Variants in UBR4 observed in about 807,000 individuals in gnomAD.
UBR4 encodes E3 ubiquitin-protein ligase UBR4.
A neutral mutation model predicts 575.6 loss-of-function variants in UBR4; 124 were observed. The ratio of observed to expected loss-of-function variants is 0.22; its 90% CI spans 0.19 to 0.25. UBR4 has a LOEUF of 0.25. Ranked by LOEUF, UBR4 falls within the 10% of genes least tolerant of loss-of-function variation. The probability of loss-of-function intolerance (pLI) is 1.00; values close to 1 mark genes in which losing one functional copy is unlikely to be tolerated. For missense variants in UBR4, 4,818 were observed against 6,478.8 expected (o/e 0.74, Z 8.80); for synonymous variants, 2,455 against 2,473.7 (o/e 0.99, Z 0.22).
intron 9 of UBR4, 119 bp from the exon 10 acceptor site, chr1:19,192,659 T>G (rs2092179081): frequency 5.7e-6 from 6 of 1,048,894 alleles, no homozygotes; most frequent in Admixed American, 2.0e-5. Flanking sequence ...CAATGATACA[T>G]TCCATCGTAC....
At chr1:19,108,756 CTT>C (rs1350872361) in intron 81 of UBR4, among the ~76,000 whole-genome samples, 1 of 152,164 alleles carries the variant, frequency 6.6e-6, no homozygotes, top group Non-Finnish European at 1.5e-5. Context: ...ATGAAAATAA[CTT>C]TGTCCTCACA....
chr1:19,202,071 T>C (rs2092770970), intron 1 of UBR4, among the ~76,000 whole-genome samples: 1 of 152,070 alleles, frequency 6.6e-6, no homozygotes, highest in Admixed American at 6.5e-5. Context: ...CACGTGCCTA[T>C]AGTCTCAGCT....
chr1:19,151,133 A>C, intron 48 of UBR4: 1 of 371,056 alleles, frequency 2.7e-6, no homozygotes, highest in Non-Finnish European at 4.9e-6. Context: ...GATCATGATC[A>C]TTCACACTAA....
At chr1:19,195,979 C>T (rs1288911841) in intron 8 of UBR4, among the ~76,000 whole-genome samples, 2 of 134,842 alleles carry the variant, frequency 1.5e-5, no homozygotes, top group Admixed American at 7.4e-5. Flanking sequence ...TACACACACA[C>T]ACACACACAC....
chr1:19,128,244 G>C lies in UBR4; in HGVS notation c.9078C>G (p.Ser3026=), dbSNP rs1402277395. 6.2e-7 allele frequency: 1 copy of C among 1,613,930 alleles called. No homozygotes were observed. The highest frequency in any genetic ancestry group is 8.5e-7 in the Non-Finnish European group (1 of 1,179,978). Residue 3026 remains serine, a synonymous_variant, in exon 62 of 106, where the codon TCC becomes TCG. Coordinates refer to ENST00000375254, the MANE Select transcript of UBR4 (RefSeq NM_020765.3). ...KDKGALDNLL[S]QLIAELGMDK... is the part of the protein sequence containing the mutation. Reference sequence around the variant, plus strand: ...CCATACCCAACTCAGCAATAAGCTGGGAGAGCAGGTTGTCTAGGGCCCCCT... The same window carrying C: ...CCATACCCAACTCAGCAATAAGCTGCGAGAGCAGGTTGTCTAGGGCCCCCT...
intron 99 of UBR4, 147 bp from the exon 100 acceptor site, chr1:19,086,968 G>C (rs1359575539): frequency 1.7e-6 from 2 of 1,145,204 alleles, no homozygotes; most frequent in Admixed American, 2.8e-5. Context: ...GAGCAGGTAA[G>C]GCCAGCCCCT....
At position 19,169,507 on chromosome 1, in the gene UBR4, T is replaced by C. The variant is rs1332776737; in HGVS notation, c.3669A>G (p.Pro1223=). ...TLGPTLVQNL[P]SSVQTVCESW... The stretch of plus-strand genomic sequence containing the variant: ...ACTCACACACAGTCTGCACTGACGA[T>C]GGCAAATTCTGAACCAGTGTCGGAC... Residue 1223 remains proline, a synonymous_variant, in exon 27 of 106, where the codon CCA becomes CCG. Transcript: ENST00000375254. 2.5e-6 allele frequency: 4 copies of C among 1,613,758 alleles called. No individual in the cohort carries two copies. Among genetic ancestry groups the C allele is most frequent in the African/African-American group, 2.7e-5 (2 of 75,016 alleles).
In UBR4 at chr1:19,141,638, G is replaced by C. The variant is rs12062211; in HGVS notation, c.8310+9C>G. 2.5e-6 allele frequency: 4 copies of C among 1,613,818 alleles called. No homozygotes were observed. The highest frequency in any genetic ancestry group is 3.4e-6 in the Non-Finnish European group (4 of 1,179,836). ...TCCTCCTCCCCTTCTCCTGCTGCCA[G>C]AGACTCACCACCATCTCAAAATCTC... is the stretch of plus-strand genomic sequence containing the variant. On this transcript the variant is annotated intron_variant, in intron 56 of 105. Coordinates refer to ENST00000375254, the MANE Select transcript of UBR4 (RefSeq NM_020765.3).
rs564367306 is a variant in UBR4 at position 19,161,973 on chromosome 1, A to G, written c.4957-76T>C. The G allele has an allele frequency of 4.6e-5, 71 of 1,530,882 alleles. No individual in the cohort carries two copies. The African/African-American group carries it at 9.2e-4, about 20-fold the overall frequency. 94.8% of individuals were successfully genotyped at this position (1,530,882 alleles called of 1,614,324 possible). On this transcript the variant is annotated intron_variant, in intron 35 of 105. Transcript: ENST00000375254. ...CACCCACAAAAACACATGTGCCTCA[A>G]CGCCCTATGGCGGGGTGAATAGTTG...
intron 30 of UBR4, 140 bp from the exon 31 acceptor site, chr1:19,165,489 C>A: frequency 9.6e-7 from 1 of 1,037,386 alleles, no homozygotes; most frequent in Non-Finnish European, 1.4e-6. Context: ...TGAAATTAAC[C>A]CCCTCACCAA....
At chr1:19,185,437 A>C in intron 14 of UBR4, 151 bp from the exon 15 acceptor site, 15 of 685,632 alleles carry the variant, frequency 2.2e-5, no homozygotes, top group East Asian at 3.1e-5. Context: ...ATCAAAACTC[A>C]TCTAAATGCA....
rs1408146775 is a variant in UBR4, at chr1:19,100,237, A to G, written c.13221+139T>C. ...TGAGGTAGAAAGGTGGGAATCATTA[A>G]CCCCAACTTACAGAGTGGAGAAACT... On this transcript the variant is annotated intron_variant, in intron 89 of 105. Coordinates refer to ENST00000375254, the MANE Select transcript of UBR4 (RefSeq NM_020765.3). This position sits in a 1 kb window ranked among gnomAD's most constrained non-coding sequence, Gnocchi z 4.2. 9 of 845,134 alleles carry G rather than the reference A, an allele frequency of 1.1e-5. No individual in the cohort carries two copies. Among genetic ancestry groups the G allele is most frequent in the East Asian group, 2.5e-5 (1 of 40,010 alleles). The allele number at this position is 845,134 out of a possible 1,614,324, so 52.4% of individuals were successfully genotyped here. A position where few individuals can be genotyped will look rare whatever the true frequency, so the allele number is the denominator to read the frequency against.
intron 77 of UBR4, chr1:19,113,413 A>G: frequency 2.3e-6 from 1 of 435,338 alleles, no homozygotes; most frequent in East Asian, 4.1e-5. Context: ...TAACCCCTCT[A>G]CTAAGAGATG....
chr1:19,086,337 G>T, intron 100 of UBR4, 67 bp from the exon 101 acceptor site: 1 of 799,110 alleles, frequency 1.3e-6, no homozygotes, highest in Non-Finnish European at 1.8e-6. Flanking sequence ...CACCTGGGCG[G>T]GGGGGCGGGG....
chr1:19,126,749 A>G, intron 63 of UBR4, 94 bp from the exon 64 acceptor site: 1 of 1,314,594 alleles, frequency 7.6e-7, no homozygotes, highest in South Asian at 1.3e-5. Flanking sequence ...CACACTCACA[A>G]CAGTCTTAGC....
At chr1:19,173,728 G>T in intron 22 of UBR4, 107 bp from the exon 23 acceptor site, 2 of 1,083,454 alleles carry the variant, frequency 1.8e-6, no homozygotes, top group Non-Finnish European at 2.6e-6. Context: ...ACTGTATAGA[G>T]TCCTGATTTT....
chr1:19,180,581 C>G (rs1019392678), intron 17 of UBR4, among the ~76,000 whole-genome samples: 3 of 148,438 alleles, frequency 2.0e-5, no homozygotes, highest in Non-Finnish European at 4.5e-5. Flanking sequence ...ATGAAAAATA[C>G]TAACTGTAGC....
chr1:19,077,690 G>A (rs1239437010), intron 104 of UBR4: 15 of 1,198,788 alleles, frequency 1.3e-5, no homozygotes, highest in East Asian at 9.5e-5. Context: ...CCGAGATCAC[G>A]CCATTGCACT....
chr1:19,195,222 G>A (rs2092377844), intron 8 of UBR4, among the ~76,000 whole-genome samples: 1 of 150,868 alleles, frequency 6.6e-6, no homozygotes, highest in Non-Finnish European at 1.5e-5. Context: ...CCAAGACTGT[G>A]CCACTGAACT....
Sources: gnomAD v4.1 joint callset for allele counts (sites outside exome capture counted in the v4.1 genomes callset) on GRCh38, gnomAD v4.1.1 for gene constraint, Gnocchi (gnomAD v3.1) non-coding constraint, MANE v1.5 for transcripts, NCBI Gene and HGNC (gene_info 2026-07-23, HGNC 2026-07-21) for gene names.